The following AKR1C8 variants were observed in gnomAD, a reference collection of about 807,000 sequenced individuals.
The protein encoded by AKR1C8 is aldo-keto reductase family 1 member C-like protein 1.
chr10:5,117,055 C>A, the AKR1C8 span, among the ~76,000 whole-genome samples: 1 of 151,330 alleles, frequency 6.6e-6, no homozygotes, highest in African/African-American at 2.4e-5. Context: ...TACATTTTTA[C>A]ATTGAAAATA....
chr10:5,140,716 C>A, the AKR1C8 span, among the ~76,000 whole-genome samples: 1 of 151,992 alleles, frequency 6.6e-6, no homozygotes. Context: ...TTAATGGGTG[C>A]TGCAAACCAA....
At chr10:5,122,555 C>G in the AKR1C8 span, among the ~76,000 whole-genome samples, 1 of 152,172 alleles carries the variant, frequency 6.6e-6, no homozygotes, top group South Asian at 2.1e-4. Context: ...CTTGATCCAG[C>G]CTTAGACTGA....
chr10:5,132,654 CT>C, the AKR1C8 span: 1 of 1,591,396 alleles, frequency 6.3e-7, no homozygotes, highest in Non-Finnish European at 8.6e-7. Flanking sequence ...TGCAATCTTG[CT>C]TCAGATGGCC....
the AKR1C8 span, chr10:5,123,747 G>A: frequency 2.5e-6 from 4 of 1,613,218 alleles, no homozygotes; most frequent in Non-Finnish European, 3.4e-6. Context: ...AGCACTGTGG[G>A]CAACCAGAAC....
chr10:5,120,490 GTTC>G, the AKR1C8 span, among the ~76,000 whole-genome samples: 2 of 152,006 alleles, frequency 1.3e-5, no homozygotes, highest in Non-Finnish European at 2.9e-5. Context: ...CTTTTCCCGT[GTTC>G]TTTTTTTTCA....
chr10:5,135,725 T>A, the AKR1C8 span, among the ~76,000 whole-genome samples: 1 of 149,226 alleles, frequency 6.7e-6, no homozygotes, highest in African/African-American at 2.5e-5. Context: ...TTATGTCATA[T>A]AAATGATCAA....
At chr10:5,185,105 CCCCAGCTAA>C in the AKR1C8 span, 7 of 534,608 alleles carry the variant, frequency 1.3e-5, no homozygotes, top group African/African-American at 1.3e-4. Context: ...CCGTCATCAT[CCCCAGCTAA>C]CCTGTCTTTC....
the AKR1C8 span, among the ~76,000 whole-genome samples, chr10:5,117,831 C>T: frequency 6.6e-6 from 1 of 152,140 alleles, no homozygotes; most frequent in South Asian, 2.1e-4. Flanking sequence ...GTAATAAAGC[C>T]AGAATTCACT....
chr10:5,154,231 A>G, the AKR1C8 span: 1 of 468,498 alleles, frequency 2.1e-6, no homozygotes, highest in Non-Finnish European at 4.4e-6. Context: ...ATTCTGTCAA[A>G]GAGTTTTTCT....
chr10:5,133,189 C>T, the AKR1C8 span, among the ~76,000 whole-genome samples: 1 of 152,098 alleles, frequency 6.6e-6, no homozygotes, highest in African/African-American at 2.4e-5. Context: ...CACTTCATCT[C>T]GGACTGAAAC....
chr10:5,122,784 T>C, the AKR1C8 span, among the ~76,000 whole-genome samples: 1 of 152,166 alleles, frequency 6.6e-6, no homozygotes, highest in East Asian at 1.9e-4. Flanking sequence ...AAATGCTTTT[T>C]CTGGGGCAAA....
At chr10:5,123,699 T>G in the AKR1C8 span, 2 of 1,592,984 alleles carry the variant, frequency 1.3e-6, no homozygotes, top group African/African-American at 2.7e-5. Flanking sequence ...AACTTCCTGA[T>G]GCTCTTATTA....
At chr10:5,139,646 T>G in the AKR1C8 span, among the ~76,000 whole-genome samples, 3 of 152,012 alleles carry the variant, frequency 2.0e-5, no homozygotes, top group African/African-American at 7.2e-5. Flanking sequence ...GTACAAAAAT[T>G]AATTCAACAT....
chr10:5,174,708 A>C, the AKR1C8 span, among the ~76,000 whole-genome samples: 1 of 152,174 alleles, frequency 6.6e-6, no homozygotes, highest in South Asian at 2.1e-4. Flanking sequence ...GACTACTATA[A>C]ATAAATTTAC....
the AKR1C8 span, among the ~76,000 whole-genome samples, chr10:5,119,487 T>C: frequency 1.3e-5 from 2 of 152,194 alleles, no homozygotes; most frequent in East Asian, 1.9e-4. Context: ...ATACACCAAA[T>C]GTAAATTATT....
the AKR1C8 span, chr10:5,157,520 A>G: frequency 2.9e-6 from 1 of 349,590 alleles, no homozygotes; most frequent in Non-Finnish European, 5.9e-6. Flanking sequence ...CTCCTCCCTT[A>G]GCACAGAGTG....
At chr10:5,148,098 A>G in the AKR1C8 span, among the ~76,000 whole-genome samples, 1 of 152,084 alleles carries the variant, frequency 6.6e-6, no homozygotes, top group South Asian at 2.1e-4. Context: ...CTGGCTTCAC[A>G]AGACTCAAGG....
chr10:5,153,122 C>T, the AKR1C8 span, among the ~76,000 whole-genome samples: 2 of 152,144 alleles, frequency 1.3e-5, no homozygotes, highest in Admixed American at 1.3e-4. Context: ...TGACATTCTC[C>T]ACTAGACTAC....
the AKR1C8 span, among the ~76,000 whole-genome samples, chr10:5,135,684 G>A: frequency 6.6e-6 from 1 of 152,032 alleles, no homozygotes; most frequent in African/African-American, 2.4e-5. Flanking sequence ...TCTCGTTTTT[G>A]TTCATGCCGT....
Sources: gnomAD v4.1 joint callset for allele counts (sites outside exome capture counted in the v4.1 genomes callset) on GRCh38, gnomAD v4.1.1 for gene constraint, MANE v1.5 for transcripts, NCBI Gene and HGNC (gene_info 2026-07-23, HGNC 2026-07-21) for gene names.